The following TTC29 variants were observed in gnomAD, a reference collection of about 807,000 sequenced individuals.
The protein encoded by TTC29 is tetratricopeptide repeat domain 29, also known as tetratricopeptide repeat protein 29.
A neutral mutation model predicts 58.1 loss-of-function variants in TTC29; 49 were observed. The observed-to-expected ratio is 0.84, with a 90% CI of 0.67 to 1.07. The LOEUF (loss-of-function observed/expected upper bound fraction) is 1.07, where lower values mean the gene tolerates loss of function less well. Among genes scored for constraint, TTC29 ranks in the 50% least tolerant of loss-of-function variants. The pLI, the probability that TTC29 is intolerant of heterozygous loss-of-function variation, is 0.00. For missense variants in TTC29, 582 were observed against 555.6 expected (o/e 1.05, Z -0.48); for synonymous variants, 209 against 196.8 (o/e 1.06, Z -0.52).
chr4:146,863,604 A>G (rs1730384577), intron 8 of TTC29, among the ~76,000 whole-genome samples: 2 of 152,134 alleles, frequency 1.3e-5, no homozygotes, highest in African/African-American at 4.8e-5. Flanking sequence ...TGCATTTCTC[A>G]TAGCCTCTCA....
chr4:146,880,035 C>G (rs1245485429), intron 6 of TTC29, among the ~76,000 whole-genome samples: 1 of 152,104 alleles, frequency 6.6e-6, no homozygotes, highest in Non-Finnish European at 1.5e-5. Context: ...ATGCATGGCT[C>G]TATACCAAGC....
intron 2 of TTC29, 106 bp from the exon 3 acceptor site, chr4:146,940,007 C>T: frequency 9.0e-7 from 1 of 1,107,010 alleles, no homozygotes; most frequent in Non-Finnish European, 1.3e-6. Context: ...GTTGAGAATG[C>T]CTATGTGTAG....
At chr4:146,809,275 A>C (rs559423500) in intron 10 of TTC29, among the ~76,000 whole-genome samples, 1 of 150,360 alleles carries the variant, frequency 6.7e-6, no homozygotes, top group Non-Finnish European at 1.5e-5. Context: ...ACCTAAAACC[A>C]TAAAAACCCC....
At chr4:146,856,226 T>C (rs551547770) in intron 8 of TTC29, among the ~76,000 whole-genome samples, 9 of 152,248 alleles carry the variant, frequency 5.9e-5, no homozygotes, top group African/African-American at 1.9e-4. Context: ...GTATCAGAAA[T>C]TTTTGCACTG....
chr4:146,828,732 T>C (rs1428307214), intron 9 of TTC29, among the ~76,000 whole-genome samples: 1 of 152,072 alleles, frequency 6.6e-6, no homozygotes, highest in Non-Finnish European at 1.5e-5. Context: ...AAAGGAGCAA[T>C]AGATCTCCAA....
intron 6 of TTC29, among the ~76,000 whole-genome samples, chr4:146,892,485 G>C (rs533121222): frequency 9.9e-5 from 15 of 152,138 alleles, no homozygotes; most frequent in African/African-American, 2.9e-4. Context: ...ATTCAACAAC[G>C]CTTCATGCTA....
chr4:146,904,012 G>A (rs1326920111), intron 5 of TTC29, among the ~76,000 whole-genome samples: 1 of 152,106 alleles, frequency 6.6e-6, no homozygotes, highest in African/African-American at 2.4e-5. Flanking sequence ...TTAAGATGTA[G>A]GACAGGACAA....
intron 11 of TTC29, among the ~76,000 whole-genome samples, chr4:146,709,155 T>C (rs73855633): frequency 0.047 from 7,214 of 152,264 alleles, 526 homozygotes; most frequent in African/African-American, 0.15. Flanking sequence ...TTATTCCACC[T>C]TAAGTCTCAA....
intron 4 of TTC29, among the ~76,000 whole-genome samples, chr4:146,931,810 T>G (rs1391419656): frequency 6.6e-6 from 1 of 152,238 alleles, no homozygotes; most frequent in Non-Finnish European, 1.5e-5. Flanking sequence ...TTGAAATCTT[T>G]TCTTTTATCT....
chr4:146,843,833 A>T (rs187503838), intron 8 of TTC29, among the ~76,000 whole-genome samples: 424 of 152,340 alleles, frequency 2.8e-3, no homozygotes, highest in Non-Finnish European at 4.4e-3. Flanking sequence ...CAAAGGGATG[A>T]ATCATTGTAT....
At position 146,737,600 on chromosome 4, in the gene TTC29, G is replaced by GC. The variant is rs1475013610; in HGVS notation, c.1331-30050_1331-30049insG. The stretch of plus-strand genomic sequence containing the variant: ...TGATGCTAGTAGCCCTGGGGGGGGG[G>GC]GGGCTACAAACGGGTCTTGACAGGA... On this transcript the variant is annotated intron_variant, in intron 11 of 12. Coordinates refer to ENST00000325106, the MANE Select transcript of TTC29 (RefSeq NM_031956.4). Among the ~76,000 whole-genome samples the GC allele has an allele frequency of 4.7e-5, 7 of 147,628 alleles. 1 individual carries two copies. In the South Asian group the frequency reaches 1.3e-3, roughly 28 times the overall value.
intron 11 of TTC29, among the ~76,000 whole-genome samples, chr4:146,801,407 G>T (rs369287847): frequency 1.3e-4 from 20 of 152,130 alleles, no homozygotes; most frequent in African/African-American, 4.6e-4. Flanking sequence ...GACCCAAAAG[G>T]TTATTATTTT....
At chr4:146,787,810 A>C (rs540467859) in intron 11 of TTC29, among the ~76,000 whole-genome samples, 1 of 152,180 alleles carries the variant, frequency 6.6e-6, no homozygotes, top group South Asian at 2.1e-4. Flanking sequence ...GTAGGTGGGA[A>C]TGGCTTCTAA....
intron 4 of TTC29, among the ~76,000 whole-genome samples, chr4:146,936,915 CA>C (rs1233861349): frequency 6.6e-6 from 1 of 151,894 alleles, no homozygotes; most frequent in Non-Finnish European, 1.5e-5. Flanking sequence ...TTCCATTTTT[CA>C]ATACTTACAT....
chr4:146,744,547 C>T (rs1350561072), intron 11 of TTC29, among the ~76,000 whole-genome samples: 2 of 152,046 alleles, frequency 1.3e-5, no homozygotes, highest in South Asian at 2.1e-4. Flanking sequence ...TTTTCCAAGC[C>T]GTCTTCTTCT....
chr4:146,714,956 C>T (rs530855393), intron 11 of TTC29, among the ~76,000 whole-genome samples: 2 of 152,170 alleles, frequency 1.3e-5, no homozygotes, highest in African/African-American at 4.8e-5. Context: ...CCTCAGCCTC[C>T]CAAGTAGCTG....
intron 11 of TTC29, among the ~76,000 whole-genome samples, chr4:146,771,768 A>G (rs911307641): frequency 1.3e-5 from 2 of 152,146 alleles, no homozygotes; most frequent in East Asian, 1.9e-4. Flanking sequence ...TCCTTTGGGT[A>G]TACACCGAGT....
chr4:146,894,574 A>T (rs1032221999), intron 6 of TTC29, among the ~76,000 whole-genome samples: 5 of 151,800 alleles, frequency 3.3e-5, no homozygotes, highest in African/African-American at 1.2e-4. Flanking sequence ...AGATATACCT[A>T]ATGTTAAATG....
rs758121516 is a variant in TTC29 at position 146,874,817 on chromosome 4, A to G, written c.698T>C (p.Leu233Pro). 15 of 1,613,046 alleles carry G rather than the reference A, an allele frequency of 9.3e-6. No individual in the cohort carries two copies. Among genetic ancestry groups the G allele is most frequent in the Non-Finnish European group, 1.1e-5 (13 of 1,179,546 alleles). The change falls in exon 7 of 13, where the codon CTC (leucine) becomes CCC (proline). Residue 233 changes from leucine (L) to proline (P), a missense_variant. Physicochemically the swap from Leu to Pro is moderately conservative, Grantham distance 98. Coordinates refer to ENST00000325106, the MANE Select transcript of TTC29 (RefSeq NM_031956.4). ...TGAGAGTAATCTGTAAGTCCTCAGGAGACTCTCACAGGCCAACAAGTTGAG... is the reference window on the plus strand; with the variant it reads ...TGAGAGTAATCTGTAAGTCCTCAGGGGACTCTCACAGGCCAACAAGTTGAG... ...RSLNLLACES[L>P]LRTYRLLSDK...
Sources: allele counts gnomAD v4.1 joint callset (sites outside exome capture counted in the v4.1 genomes callset), GRCh38; gene constraint gnomAD v4.1.1; transcripts MANE v1.5; gene names NCBI Gene and HGNC (gene_info 2026-07-23, HGNC 2026-07-21).